Variants in OR51B5 observed in about 807,000 individuals in gnomAD.
OR51B5 encodes olfactory receptor 51B5.
For missense variants in OR51B5, 456 were observed against 374.6 expected (o/e 1.22, Z -1.79); for synonymous variants, 186 against 144.8 (o/e 1.28, Z -2.04).
chr11:5,491,693 T>C (rs1328319903), intron 1 of OR51B5, among the ~76,000 whole-genome samples: 4 of 152,158 alleles, frequency 2.6e-5, no homozygotes, highest in African/African-American at 4.8e-5. Flanking sequence ...TTACTGAAGT[T>C]TGAAGTAAAG....
At chr11:5,408,509 T>C (rs1850096058) in intron 1 of OR51B5, among the ~76,000 whole-genome samples, 1 of 152,072 alleles carries the variant, frequency 6.6e-6, no homozygotes, top group Admixed American at 6.6e-5. Context: ...ATCTATTTAT[T>C]AAAACAAGAG....
chr11:5,368,407 T>C (rs1425842892), intron 1 of OR51B5, among the ~76,000 whole-genome samples: 2 of 152,198 alleles, frequency 1.3e-5, no homozygotes, highest in Non-Finnish European at 2.9e-5. Flanking sequence ...AATACATTAA[T>C]ATGTCTAACG....
At chr11:5,383,268 A>G (rs1168506281) in intron 1 of OR51B5, among the ~76,000 whole-genome samples, 3 of 152,174 alleles carry the variant, frequency 2.0e-5, no homozygotes, top group African/African-American at 4.8e-5. Flanking sequence ...GGTAGGATTG[A>G]ATATGCAAGA....
intron 1 of OR51B5, among the ~76,000 whole-genome samples, chr11:5,414,883 A>T (rs1448690329): frequency 6.6e-6 from 1 of 152,202 alleles, no homozygotes; most frequent in African/African-American, 2.4e-5. Context: ...GAAAGTCAAC[A>T]AGGATACACA....
At chr11:5,397,392 A>G in intron 1 of OR51B5, among the ~76,000 whole-genome samples, 1 of 152,238 alleles carries the variant, frequency 6.6e-6, no homozygotes, top group East Asian at 1.9e-4. Context: ...TGGGCAAAGG[A>G]TATGAACAGA....
At chr11:5,356,424 GAAAAAAGAAT>G (rs1849196344) in intron 1 of OR51B5, among the ~76,000 whole-genome samples, 1 of 150,734 alleles carries the variant, frequency 6.6e-6, no homozygotes, top group Admixed American at 6.6e-5. Flanking sequence ...GAAGTTTAGA[GAAAAAAGAAT>G]AAAAAGAAAT....
In OR51B5 at chr11:5,422,555, G is replaced by A. The variant is rs755510147; in HGVS notation, n.85-75645C>T. On this transcript the variant is annotated intron_variant and non_coding_transcript_variant, in intron 1 of 4. Transcript: ENST00000415970. ...CTTTATGGAGTCTTCTGTCCTCCTGGCTATGTCCGTTGACTGCTATGTGGC... is the reference window on the plus strand; with the variant it reads ...CTTTATGGAGTCTTCTGTCCTCCTGACTATGTCCGTTGACTGCTATGTGGC... 3.5e-5 allele frequency: 57 copies of A among 1,613,888 alleles called. No homozygotes were observed. The highest frequency in any genetic ancestry group is 4.4e-5 in the Non-Finnish European group (52 of 1,180,022).
At chr11:5,505,217 G>A (rs1048783215) in intron 1 of OR51B5, 1 of 951,402 alleles carries the variant, frequency 1.1e-6, no homozygotes, top group African/African-American at 1.7e-5. Flanking sequence ...GGCTCAAATG[G>A]AAGGCAGATA....
chr11:5,383,458 A>T (rs1424083258), intron 1 of OR51B5, among the ~76,000 whole-genome samples: 1 of 152,236 alleles, frequency 6.6e-6, no homozygotes, highest in Non-Finnish European at 1.5e-5. Context: ...TGTGAACATC[A>T]CATGGATAAT....
At chr11:5,343,561 G>C, upstream of OR51B5, 1 of 695,290 alleles carries the variant, frequency 1.4e-6, no homozygotes, top group South Asian at 1.8e-5. Flanking sequence ...TTCTGTTTCT[G>C]TTATTACCAC....
intron 1 of OR51B5, chr11:5,390,246 C>G (rs371032688): frequency 3.5e-5 from 56 of 1,613,900 alleles, no homozygotes; most frequent in African/African-American, 4.0e-5. Context: ...GCCCCACCTG[C>G]TATTCATCTT....
chr11:5,411,088 A>G (rs901254618), intron 1 of OR51B5, among the ~76,000 whole-genome samples: 24 of 152,208 alleles, frequency 1.6e-4, no homozygotes, highest in Non-Finnish European at 2.8e-4. Context: ...AGTCCATAAT[A>G]GCAAACAGTA....
intron 1 of OR51B5, chr11:5,389,310 T>A: frequency 8.0e-7 from 1 of 1,244,594 alleles, no homozygotes; most frequent in East Asian, 2.3e-5. Flanking sequence ...ATGATGACCA[T>A]GGTACTGCTT....
At chr11:5,505,251 T>C in intron 1 of OR51B5, 3 of 1,198,318 alleles carry the variant, frequency 2.5e-6, no homozygotes, top group Non-Finnish European at 3.2e-6. Flanking sequence ...TGCTATTAGG[T>C]TTTTTGTTTT....
At chr11:5,363,737 T>C (rs1849322778) in intron 1 of OR51B5, among the ~76,000 whole-genome samples, 1 of 152,184 alleles carries the variant, frequency 6.6e-6, no homozygotes, top group Non-Finnish European at 1.5e-5. Flanking sequence ...ATTCTGTTAT[T>C]GGAAAGCGGG....
At chr11:5,407,027 A>G (rs1850067706) in intron 1 of OR51B5, among the ~76,000 whole-genome samples, 1 of 152,170 alleles carries the variant, frequency 6.6e-6, no homozygotes, top group South Asian at 2.1e-4. Context: ...AAAGATTTGA[A>G]AAACATCATT....
rs1437591045 is a variant in OR51B5 at position 5,343,330 on chromosome 11, A to AGG, written c.194_195insCC (p.Ala66LeufsTer9). On this transcript the variant is annotated frameshift_variant, in exon 1 of 1. Transcript: ENST00000300773. LOFTEE classifies it low-confidence loss of function (END_TRUNC). ...TCAGGGCCAGCCCCAGGTCTGTGGC[A>AGG]GCCAGCATGGCCAGAAAGAAGTACA... The AGG allele has an allele frequency of 2.2e-5, 36 of 1,611,386 alleles. No individual in the cohort carries two copies. Among genetic ancestry groups the AGG allele is most frequent in the Middle Eastern group, 1.6e-4 (1 of 6,064 alleles).
At chr11:5,409,356 C>A (rs114825954) in intron 1 of OR51B5, among the ~76,000 whole-genome samples, 3,874 of 152,072 alleles carry the variant, frequency 0.025, 156 homozygotes, top group African/African-American at 0.085. Context: ...GACACACCAG[C>A]AGAACAGAAA....
chr11:5,405,850 C>A (rs1850050893), intron 1 of OR51B5, among the ~76,000 whole-genome samples: 1 of 152,008 alleles, frequency 6.6e-6, no homozygotes, highest in Admixed American at 6.6e-5. Flanking sequence ...ATAACCATAC[C>A]CTAAATTAAT....
Sources: allele counts gnomAD v4.1 joint callset (sites outside exome capture counted in the v4.1 genomes callset), GRCh38; gene constraint gnomAD v4.1.1; transcripts MANE v1.5; gene names NCBI Gene and HGNC (gene_info 2026-07-23, HGNC 2026-07-21).